The following CCDC14 variants were observed in gnomAD, a reference collection of about 807,000 sequenced individuals.
CCDC14 encodes the protein coiled-coil domain containing 14.
CCDC14 carries 71 observed loss-of-function variants against 81.4 expected under a neutral mutation model. The ratio of observed to expected loss-of-function variants is 0.87; its 90% confidence interval spans 0.72 to 1.06. The LOEUF is 1.06. Among genes scored for constraint, CCDC14 ranks in the 50% least tolerant of loss-of-function variants. The pLI, the probability that CCDC14 is intolerant of heterozygous loss-of-function variation, is 0.00. For missense variants in CCDC14, 1,046 were observed against 1,047.3 expected (o/e 1.00, Z 0.02); for synonymous variants, 332 against 364.8 (o/e 0.91, Z 1.03).
At chr3:123,937,575 G>A (rs576610267) in intron 9 of CCDC14, among the ~76,000 whole-genome samples, 30 of 151,564 alleles carry the variant, frequency 2.0e-4, no homozygotes, top group African/African-American at 6.0e-4. Flanking sequence ...GTCCTTTATC[G>A]GGTACATGTT....
At chr3:123,948,545 A>G in intron 7 of CCDC14, 146 bp downstream of exon 7, 1 of 726,714 alleles carries the variant, frequency 1.4e-6, no homozygotes, top group African/African-American at 1.9e-5. Context: ...TCGGCCATAA[A>G]CATGTAAAAC....
In CCDC14 at chr3:123,949,050, C is replaced by G. The variant is rs373619932; in HGVS notation, c.435G>C (p.Trp145Cys). 1.4e-4 allele frequency: 223 copies of G among 1,613,360 alleles called. No homozygotes were observed. Among genetic ancestry groups the G allele is most frequent in the Non-Finnish European group, 1.8e-4 (212 of 1,179,672 alleles). The change falls in exon 6 of 13, where the codon TGG becomes TGC. Residue 145 changes from tryptophan to cysteine, a missense_variant. By Grantham distance (215) the Trp-to-Cys change is radical (BLOSUM62 -2). Transcript: ENST00000409697. Reference protein sequence around the residue: ...ERDTSDLEQNWSLQDHYRMYS... With the variant: ...ERDTSDLEQNCSLQDHYRMYS... ...ACATTCTATAATGATCTTGCAATGA[C>G]CAGTTTTGCTCTAGGTCTGATGTGT... is the stretch of plus-strand genomic sequence containing the variant.
chr3:123,904,200 A>C (rs920289660), intron 5 of CCDC14, among the ~76,000 whole-genome samples: 3 of 152,154 alleles, frequency 2.0e-5, no homozygotes, highest in Non-Finnish European at 4.4e-5. Context: ...GGATTTCCCT[A>C]AGGTACTTCT....
At chr3:123,898,356 G>A (rs77413716) in intron 5 of CCDC14, among the ~76,000 whole-genome samples, 2 of 152,372 alleles carry the variant, frequency 1.3e-5, no homozygotes, top group East Asian at 3.9e-4. Flanking sequence ...TTTCTGTGGA[G>A]TACCAATTAC....
downstream of CCDC14, among the ~76,000 whole-genome samples, chr3:123,895,009 A>G (rs540531659): frequency 6.6e-6 from 1 of 152,324 alleles, no homozygotes; most frequent in South Asian, 2.1e-4. Context: ...AACCTAGCAC[A>G]TTATAATGTC....
intron 9 of CCDC14, among the ~76,000 whole-genome samples, chr3:123,941,751 C>T (rs943983971): frequency 6.6e-6 from 1 of 152,012 alleles, no homozygotes; most frequent in African/African-American, 2.4e-5. Context: ...TTAGGTCAGA[C>T]ATCAAACAAA....
chr3:123,951,805 C>T (rs1175840855), intron 5 of CCDC14, among the ~76,000 whole-genome samples: 1 of 152,172 alleles, frequency 6.6e-6, no homozygotes, highest in East Asian at 1.9e-4. Context: ...TTAATAAATT[C>T]CAAACCTATT....
intron 1 of CCDC14, 81 bp downstream of exon 1, chr3:123,961,061 CAG>C (rs1302671714): frequency 5.0e-6 from 6 of 1,211,248 alleles, no homozygotes; most frequent in African/African-American, 1.5e-5. Context: ...TTTTTTCGAG[CAG>C]AGTTTTACAA....
Position 123,961,168 on chromosome 3 carries a change from G to A in CCDC14, c.6C>T (p.Val2=). The change falls in exon 1 of 13, where the codon GTC becomes GTT. Residue 2 remains valine, a synonymous_variant. Transcript: ENST00000409697. ...CCTGGCCCGGTCGAGCTCCAGACCT[G>A]ACCATCTCTCGCCGCCTCAGAGAAG... M[V]RSGARPGQVL... is the part of the protein sequence containing the mutation. The A allele has an allele frequency of 1.3e-6, 2 of 1,551,572 alleles. No homozygotes were observed. Among genetic ancestry groups the A allele is most frequent in the African/African-American group, 2.7e-5 (2 of 73,158 alleles).
downstream of CCDC14, among the ~76,000 whole-genome samples, chr3:123,896,107 C>T (rs912624736): frequency 6.6e-6 from 1 of 152,120 alleles, no homozygotes; most frequent in Non-Finnish European, 1.5e-5. Context: ...GAAATTTAAC[C>T]GCCAATGTGG....
chr3:123,919,202 A>T (rs2034896055), intron 12 of CCDC14, among the ~76,000 whole-genome samples: 1 of 151,758 alleles, frequency 6.6e-6, no homozygotes, highest in Non-Finnish European at 1.5e-5. Context: ...ACAGCTGTAC[A>T]TATAGTTTCC....
intron 1 of CCDC14, among the ~76,000 whole-genome samples, chr3:123,960,424 T>C (rs1466670443): frequency 6.6e-6 from 1 of 152,232 alleles, no homozygotes; most frequent in African/African-American, 2.4e-5. Flanking sequence ...ATCAGTTTTG[T>C]GAGTCTGAAT....
At chr3:123,890,436 C>G in the CCDC14 span, among the ~76,000 whole-genome samples, 1 of 152,178 alleles carries the variant, frequency 6.6e-6, no homozygotes. Context: ...AAATCAAAAG[C>G]AAGTTAGTTA....
chr3:123,896,374 A>G (rs1203560191), downstream of CCDC14, among the ~76,000 whole-genome samples: 1 of 152,236 alleles, frequency 6.6e-6, no homozygotes, highest in African/African-American at 2.4e-5. Context: ...AATACCTTTT[A>G]TTTATAAATT....
chr3:123,913,745 G>A lies in CCDC14; in HGVS notation c.*1034C>T. The A allele has an allele frequency of 4.1e-6, 4 of 983,548 alleles. No individual in the cohort carries two copies. Among genetic ancestry groups the A allele is most frequent in the Non-Finnish European group, 3.6e-6 (3 of 829,652 alleles). The allele number at this position is 983,548 out of a possible 1,614,324, so 60.9% of individuals were successfully genotyped here. The stretch of plus-strand genomic sequence containing the variant: ...TGGGATTAGGAGAACACTCTTTAAT[G>A]ATAAAGCCTGTCCAAGTACTAAGGA... On this transcript the variant is annotated 3_prime_UTR_variant, in exon 13 of 13. Transcript: ENST00000409697.
downstream of CCDC14, among the ~76,000 whole-genome samples, chr3:123,909,048 G>A (rs184288796): frequency 8.4e-4 from 128 of 151,960 alleles, no homozygotes; most frequent in Non-Finnish European, 1.1e-3. Context: ...CTTGCCAAAC[G>A]TCAAACAAAC....
Position 123,918,128 on chromosome 3 carries a change from A to C in CCDC14, c.1779-2410T>G, listed in dbSNP as rs1232045334. ...CTAAAAAGTAGTCACACACATAAAC[A>C]TAAAATGCTAAAAAGAAATCTCTAT... On this transcript the variant is annotated intron_variant, in intron 12 of 12. Coordinates refer to ENST00000409697, the MANE Select transcript of CCDC14 (RefSeq NM_001366335.1). 2.0e-5 allele frequency among the ~76,000 whole-genome samples: 3 copies of C among 152,208 alleles called. No homozygotes were observed. The East Asian group carries it at 5.8e-4, about 29-fold the overall frequency.
chr3:123,949,154 G>T (rs1177336864), intron 5 of CCDC14, 22 bp from the exon 6 acceptor site: 5 of 1,459,518 alleles, frequency 3.4e-6, no homozygotes, highest in Non-Finnish European at 4.7e-6. Context: ...GAAGAAAAAA[G>T]TTCTTGAAAT....
At chr3:123,905,835 A>G (rs1384855868) in intron 5 of CCDC14, among the ~76,000 whole-genome samples, 1 of 152,214 alleles carries the variant, frequency 6.6e-6, no homozygotes, top group Non-Finnish European at 1.5e-5. Context: ...AGGTATCAGA[A>G]ACAATGGACC....
Sources: gnomAD v4.1 joint callset for allele counts (sites outside exome capture counted in the v4.1 genomes callset) on GRCh38, gnomAD v4.1.1 for gene constraint, MANE v1.5 for transcripts, NCBI Gene and HGNC (gene_info 2026-07-23, HGNC 2026-07-21) for gene names.